Variants in WDTC1 observed in about 807,000 individuals in gnomAD.
WDTC1 encodes the protein WD and tetratricopeptide repeats 1, also known as WD and tetratricopeptide repeats protein 1.
In WDTC1, 12 loss-of-function variants were observed where a neutral mutation model predicts 76.0. The observed-to-expected ratio is 0.16, with a 90% CI of 0.10 to 0.26. The LOEUF (loss-of-function observed/expected upper bound fraction) is 0.26, where lower values mean the gene tolerates loss of function less well. WDTC1 is among the 10% of genes least tolerant of loss of function. The pLI is 1.00. For synonymous variants in WDTC1, 326 were observed against 350.8 expected (o/e 0.93, Z 0.79); for missense variants, 511 against 908.8 (o/e 0.56, Z 5.63).
At position 27,284,975 on chromosome 1, in the gene WDTC1, T is replaced by C. The variant is rs367739375; in HGVS notation, c.291+1526T>C. 2.0e-5 allele frequency among the ~76,000 whole-genome samples: 3 copies of C among 151,190 alleles called. No homozygotes were observed. The East Asian group carries it at 5.9e-4, about 30-fold the overall frequency. On this transcript the variant is annotated intron_variant, in intron 5 of 15. Coordinates refer to ENST00000319394, the MANE Select transcript of WDTC1 (RefSeq NM_001276252.2). ...GCCGTCTCTAGACAGGATTAAAGAC[T>C]ACTGGTTGTCCCTAAAATAATTAAA...
chr1:27,266,219 T>C (rs1449164695), intron 3 of WDTC1, among the ~76,000 whole-genome samples: 1 of 152,124 alleles, frequency 6.6e-6, no homozygotes, highest in East Asian at 1.9e-4. Context: ...CCTCTTCCTC[T>C]ACCCACTGAA....
chr1:27,259,874 G>A (rs115679315), intron 1 of WDTC1, among the ~76,000 whole-genome samples: 1,878 of 151,202 alleles, frequency 0.012, 23 homozygotes, highest in East Asian at 0.024. Context: ...AAAAAAAAGA[G>A]AGAAAAGAAA....
In WDTC1 at chr1:27,239,408, T is replaced by C. The variant is rs112503709; in HGVS notation, c.-100+4457T>C. 7.0e-3 allele frequency among the ~76,000 whole-genome samples: 1,055 copies of C among 149,674 alleles called. 4 individuals carry two copies. The highest frequency in any genetic ancestry group is 0.015 in the South Asian group (72 of 4,716). ...GTGGTAGCATGTGCCTGTATTCCCA[T>C]CTACCCAGGAATCTGAGGCGGGGGC... On this transcript the variant is annotated intron_variant, in intron 1 of 15. Transcript: ENST00000319394.
chr1:27,293,683 G>A (rs116183017), intron 7 of WDTC1, among the ~76,000 whole-genome samples: 5,055 of 152,096 alleles, frequency 0.033, 116 homozygotes, highest in Middle Eastern at 0.048. Flanking sequence ...CAGGAATGTC[G>A]CCTGTTTATT....
chr1:27,294,626 A>G lies in WDTC1; in HGVS notation c.870A>G (p.Glu290=), dbSNP rs373239739. 112 of 1,613,396 alleles carry G rather than the reference A, an allele frequency of 6.9e-5. No individual in the cohort carries two copies. The highest frequency in any genetic ancestry group is 1.8e-4 in the Admixed American group (11 of 60,000). The change falls in exon 9 of 16, where the codon GAA becomes GAG. Residue 290 remains glutamate, a synonymous_variant. Transcript: ENST00000319394. ...GTELLVNMGG[E]QVYLFDLTYK... is the part of the protein sequence containing the mutation. ...AGCTACTAGTCAACATGGGGGGGGA[A>G]CAGGTATGTACAGCATAAGGTGGTT...
At chr1:27,291,875 T>G (rs1486286134) in intron 6 of WDTC1, among the ~76,000 whole-genome samples, 3 of 152,142 alleles carry the variant, frequency 2.0e-5, no homozygotes, top group Admixed American at 1.3e-4. Flanking sequence ...AGGGATGGCG[T>G]TAGGAATTAA....
intron 1 of WDTC1, among the ~76,000 whole-genome samples, chr1:27,237,588 G>A (rs557952522): frequency 3.9e-5 from 6 of 152,068 alleles, no homozygotes; most frequent in African/African-American, 9.7e-5. Context: ...GGTGGCTCAC[G>A]CCTGTAATCC....
intron 1 of WDTC1, among the ~76,000 whole-genome samples, chr1:27,255,247 T>A (rs1331077859): frequency 2.6e-5 from 4 of 152,108 alleles, no homozygotes; most frequent in African/African-American, 9.7e-5. Context: ...AGTGGGCTCT[T>A]TTGGTGGATT....
At position 27,234,892 on chromosome 1, in the gene WDTC1, C is replaced by T. The variant is rs1431077121; in HGVS notation, c.-159C>T. The T allele has an allele frequency of 7.6e-6, 3 of 395,776 alleles. No individual in the cohort carries two copies. The highest frequency in any genetic ancestry group is 2.1e-5 in the African/African-American group (1 of 48,542). 24.5% of individuals were successfully genotyped at this position (395,776 alleles called of 1,614,324 possible). On this transcript the variant is annotated 5_prime_UTR_variant, in exon 1 of 16. Coordinates refer to ENST00000319394, the MANE Select transcript of WDTC1 (RefSeq NM_001276252.2). ...CTTCCCGGGAGAGGGGCCGCCCCCC[C>T]CGGACGGACATGGGCTCCTGAAGTT...
intron 1 of WDTC1, among the ~76,000 whole-genome samples, chr1:27,255,992 C>A (rs939808070): frequency 2.0e-5 from 3 of 152,156 alleles, no homozygotes; most frequent in South Asian, 2.1e-4. Context: ...TCTCAGAGAA[C>A]CCCTCTCTAT....
Position 27,303,920 on chromosome 1 carries a change from A to G in WDTC1, c.1643+125A>G. ...TGCTCTGCCTCTGTACCCTTGGGCA[A>G]ATGGCTTCACCTTTGTCAGCCTCTA... On this transcript the variant is annotated intron_variant, in intron 14 of 15. Transcript: ENST00000319394. This position sits in a 1 kb window ranked among gnomAD's most constrained non-coding sequence, Gnocchi z 4.8. 7.6e-7 allele frequency: 1 copy of G among 1,318,966 alleles called. No individual in the cohort carries two copies. Among genetic ancestry groups the G allele is most frequent in the Non-Finnish European group, 1.0e-6 (1 of 957,420 alleles). The allele number at this position is 1,318,966 out of a possible 1,614,324, so 81.7% of individuals were successfully genotyped here.
chr1:27,255,385 T>C (rs957906028), intron 1 of WDTC1: 2 of 152,150 alleles, frequency 1.3e-5, no homozygotes, highest in Admixed American at 6.6e-5. Flanking sequence ...ATTGTGAAAA[T>C]TGTTGCATGT....
At chr1:27,283,508 G>T in intron 5 of WDTC1, 59 bp downstream of exon 5, 1 of 1,530,328 alleles carries the variant, frequency 6.5e-7, no homozygotes, top group Non-Finnish European at 9.0e-7. Flanking sequence ...AGAGTGACTG[G>T]GCTGTGGCCA....
chr1:27,237,908 T>C (rs2011527735), intron 1 of WDTC1, among the ~76,000 whole-genome samples: 1 of 151,916 alleles, frequency 6.6e-6, no homozygotes, highest in African/African-American at 2.4e-5. Context: ...AGAAGCCAGT[T>C]CCTTGGTGTA....
intron 1 of WDTC1, among the ~76,000 whole-genome samples, chr1:27,236,329 G>A (rs2011489536): frequency 6.6e-6 from 1 of 152,182 alleles, no homozygotes; most frequent in African/African-American, 2.4e-5. Context: ...GTAGGTTGTT[G>A]TATTTCGTTG....
At position 27,298,124 on chromosome 1, in the gene WDTC1, T is replaced by C. The variant is rs778825741; in HGVS notation, c.1232+13T>C. On this transcript the variant is annotated intron_variant, in intron 12 of 15. Coordinates refer to ENST00000319394, the MANE Select transcript of WDTC1 (RefSeq NM_001276252.2). ...TGAAGCGCAAGTGGTGAGTGGCCAC[T>C]GCAGAGGGGATCTGGGTCAGGATGA... is the stretch of plus-strand genomic sequence containing the variant. 15 of 1,579,328 alleles carry C rather than the reference T, an allele frequency of 9.5e-6. No individual in the cohort carries two copies. Among genetic ancestry groups the C allele is most frequent in the Non-Finnish European group, 1.2e-5 (14 of 1,157,084 alleles).
rs185954566 is a variant in WDTC1 at position 27,274,677 on chromosome 1, A to T, written c.133-7562A>T. Among the ~76,000 whole-genome samples, 99 of 152,282 alleles carry T rather than the reference A, an allele frequency of 6.5e-4. No homozygotes were observed. The highest frequency in any genetic ancestry group is 4.4e-3 in the South Asian group (21 of 4,822). Reference sequence around the variant, plus strand: ...CCTCTTTAGTTACATGTGCCAGCTCATCTCATGAGTTTTATTGTCACAACT... The same window carrying T: ...CCTCTTTAGTTACATGTGCCAGCTCTTCTCATGAGTTTTATTGTCACAACT... On this transcript the variant is annotated intron_variant, in intron 3 of 15. Coordinates refer to ENST00000319394, the MANE Select transcript of WDTC1 (RefSeq NM_001276252.2). The surrounding 1 kb of genome is among the most constrained non-coding windows in gnomAD (Gnocchi z 4.2).
chr1:27,270,385 A>G (rs1297680824), intron 3 of WDTC1, among the ~76,000 whole-genome samples: 1 of 152,148 alleles, frequency 6.6e-6, no homozygotes, highest in African/African-American at 2.4e-5. Flanking sequence ...GGATGGAGAG[A>G]AGTCAGTGGA....
At chr1:27,235,215 C>A (rs1037568530) in intron 1 of WDTC1, among the ~76,000 whole-genome samples, 1 of 152,040 alleles carries the variant, frequency 6.6e-6, no homozygotes, top group Non-Finnish European at 1.5e-5. Flanking sequence ...GGAGGCTCTG[C>A]GGAGGGAGAG....
Sources: allele counts gnomAD v4.1 joint callset (sites outside exome capture counted in the v4.1 genomes callset), GRCh38; gene constraint gnomAD v4.1.1; non-coding constraint Gnocchi (gnomAD v3.1); transcripts MANE v1.5; gene names NCBI Gene and HGNC (gene_info 2026-07-23, HGNC 2026-07-21).